RERE: variants seen among roughly 807,000 people sequenced by gnomAD.
RERE encodes the protein arginine-glutamic acid dipeptide repeats protein.
RERE carries 40 observed loss-of-function variants against 146.1 expected under a neutral mutation model. The observed-to-expected ratio is 0.27, with a 90% CI of 0.21 to 0.36. The LOEUF (loss-of-function observed/expected upper bound fraction) is 0.36, where lower values mean the gene tolerates loss of function less well. Ranked by LOEUF, RERE falls within the 10% of genes least tolerant of loss-of-function variation. RERE has a pLI of 1.00. For missense variants in RERE, 1,933 were observed against 2,138.7 expected, an observed-to-expected ratio of 0.90 and a Z score of 1.90; for synonymous variants, 1,003 against 866.0, an observed-to-expected ratio of 1.16 and a Z score of -2.78.
chr1:8,393,104 A>T lies in RERE; in HGVS notation c.1285-27130T>A, dbSNP rs143086591. On this transcript the variant is annotated intron_variant, in intron 12 of 22. Coordinates refer to ENST00000400908, the MANE Select transcript of RERE (RefSeq NM_001042681.2). ...CAAGGTGCTCAGATTGGACTTCTGC[A>T]GGGATTCGTCCCCAAGTTCCCAAAG... Among the ~76,000 whole-genome samples the T allele has an allele frequency of 3.6e-3, 544 of 152,322 alleles. 4 individuals are homozygous for T. Among genetic ancestry groups the T allele is most frequent in the African/African-American group, 0.011 (450 of 41,568 alleles).
intron 1 of RERE, among the ~76,000 whole-genome samples, chr1:8,758,845 GTCC>G (rs1448315283): frequency 1.3e-5 from 2 of 150,356 alleles, no homozygotes; most frequent in Non-Finnish European, 3.0e-5. Flanking sequence ...GAATTTAAGT[GTCC>G]TCACCACAAA....
At chr1:8,783,172 G>GA (rs1405687360) in intron 1 of RERE, among the ~76,000 whole-genome samples, 1 of 151,746 alleles carries the variant, frequency 6.6e-6, no homozygotes, top group Non-Finnish European at 1.5e-5. Flanking sequence ...CATTTCTACA[G>GA]AAAGTTTTTA....
At chr1:8,646,391 G>C (rs1238149081) in intron 2 of RERE, among the ~76,000 whole-genome samples, 1 of 152,036 alleles carries the variant, frequency 6.6e-6, no homozygotes, top group Non-Finnish European at 1.5e-5. Context: ...AACTAGCTGG[G>C]CACAGTGCCG....
chr1:8,479,448 T>C (rs1002013040), intron 10 of RERE, among the ~76,000 whole-genome samples: 10 of 152,012 alleles, frequency 6.6e-5, no homozygotes, highest in Non-Finnish European at 1.5e-4. Flanking sequence ...TGACCTTATT[T>C]GGGAAAAGGG....
chr1:8,721,238 C>T (rs1461243646), intron 1 of RERE, among the ~76,000 whole-genome samples: 1 of 152,196 alleles, frequency 6.6e-6, no homozygotes, highest in South Asian at 2.1e-4. Flanking sequence ...GACTTCCCTG[C>T]AGGCCTGAAC....
intron 12 of RERE, among the ~76,000 whole-genome samples, chr1:8,382,445 T>C (rs765858033): frequency 5.2e-5 from 8 of 152,382 alleles, no homozygotes; most frequent in South Asian, 4.1e-4. Context: ...CACGTGCGCA[T>C]GCGTGCGTGT....
chr1:8,581,703 C>A (rs1646367820), intron 4 of RERE, among the ~76,000 whole-genome samples: 1 of 152,134 alleles, frequency 6.6e-6, no homozygotes. Context: ...TTTTTTCCCA[C>A]TGAAAATAAT....
intron 4 of RERE, among the ~76,000 whole-genome samples, chr1:8,604,710 G>A (rs1053419243): frequency 2.6e-5 from 4 of 151,246 alleles, no homozygotes; most frequent in African/African-American, 7.3e-5. Context: ...ATAAAGGAAC[G>A]ATCTTTCTGT....
chr1:8,465,068 G>A (rs924239185), intron 11 of RERE: 1 of 152,196 alleles, frequency 6.6e-6, no homozygotes, highest in Non-Finnish European at 1.5e-5. Flanking sequence ...AATTTCATTC[G>A]ACCTGAAAGG....
intron 1 of RERE, among the ~76,000 whole-genome samples, chr1:8,800,858 G>A (rs1189567418): frequency 3.9e-5 from 6 of 152,240 alleles, no homozygotes; most frequent in African/African-American, 9.6e-5. Context: ...CCAGCTATTC[G>A]AGAGGCTGAG....
chr1:8,531,488 T>C (rs558436259), intron 7 of RERE, among the ~76,000 whole-genome samples: 10 of 151,802 alleles, frequency 6.6e-5, no homozygotes, highest in Admixed American at 2.6e-4. Context: ...ACACCAACAA[T>C]AAAACTAATT....
chr1:8,408,175 T>G (rs1309207439), intron 12 of RERE, among the ~76,000 whole-genome samples: 1 of 151,894 alleles, frequency 6.6e-6, no homozygotes. Context: ...AATAAAACGC[T>G]TAACCTTGGC....
intron 8 of RERE, among the ~76,000 whole-genome samples, chr1:8,504,067 T>C (rs888988760): frequency 4.6e-5 from 7 of 152,238 alleles, no homozygotes; most frequent in Non-Finnish European, 1.5e-5. Flanking sequence ...AAATTTAGAA[T>C]GTATTTTATC....
intron 8 of RERE, among the ~76,000 whole-genome samples, chr1:8,501,732 G>A (rs1048189247): frequency 3.2e-5 from 4 of 126,316 alleles, no homozygotes; most frequent in African/African-American, 1.2e-4. Context: ...CCCCCCGCCC[G>A]GCCAGCCGCC....
chr1:8,468,705 G>A (rs1330527689), intron 10 of RERE, among the ~76,000 whole-genome samples: 1 of 152,128 alleles, frequency 6.6e-6, no homozygotes. Context: ...GCAACATAGT[G>A]AGACCTCATC....
chr1:8,622,779 AT>A (rs70982801), intron 3 of RERE, among the ~76,000 whole-genome samples: 125,922 of 150,206 alleles, frequency 0.84, 53,034 homozygotes, highest in East Asian at 0.94. Flanking sequence ...ATAAAATGTG[AT>A]TTTTTTTTTT....
At chr1:8,571,099 G>A (rs1341853092) in intron 4 of RERE, among the ~76,000 whole-genome samples, 1 of 152,198 alleles carries the variant, frequency 6.6e-6, no homozygotes, top group Non-Finnish European at 1.5e-5. Flanking sequence ...AACCCTTGAA[G>A]CTGAAAGCAT....
intron 7 of RERE, among the ~76,000 whole-genome samples, chr1:8,530,593 AGAG>A (rs1042264378): frequency 1.3e-4 from 20 of 152,020 alleles, no homozygotes; most frequent in Non-Finnish European, 2.5e-4. Context: ...TCACATCAAG[AGAG>A]GAGAAGTATT....
At chr1:8,785,776 C>T (rs1641248980) in intron 1 of RERE, among the ~76,000 whole-genome samples, 1 of 152,176 alleles carries the variant, frequency 6.6e-6, no homozygotes, top group African/African-American at 2.4e-5. Flanking sequence ...TGCCAACCAC[C>T]ACGCCCAGCT....
Sources: allele counts gnomAD v4.1 joint callset (sites outside exome capture counted in the v4.1 genomes callset), GRCh38; gene constraint gnomAD v4.1.1; transcripts MANE v1.5; gene names NCBI Gene and HGNC (gene_info 2026-07-23, HGNC 2026-07-21).